Variants in NBPF11 observed in about 807,000 individuals in gnomAD.
NBPF11 encodes the protein NBPF member 11.
Under a neutral mutation model 93.9 loss-of-function variants are expected in NBPF11, and 72 were observed. The observed-to-expected ratio is 0.77, with a 90% confidence interval of 0.63 to 0.93. The LOEUF is 0.93. Among genes scored for constraint, NBPF11 ranks in the 40% least tolerant of loss-of-function variants. The pLI is 0.00. For missense variants in NBPF11, 705 were observed against 802.2 expected, an observed-to-expected ratio of 0.88 and a Z score of 1.46; for synonymous variants, 224 against 304.9, an observed-to-expected ratio of 0.73 and a Z score of 2.76.
At chr1:148,149,992 T>C (rs1647875221) in intron 1 of NBPF11, among the ~76,000 whole-genome samples, 1 of 151,728 alleles carries the variant, frequency 6.6e-6, no homozygotes, top group South Asian at 2.1e-4. Context: ...TGCTAACTGA[T>C]AAAACACTTT....
chr1:148,102,283 C>T lies in NBPF11; in HGVS notation c.*1613G>A, dbSNP rs1662518198. 1 of 151,776 alleles carries T rather than the reference C, an allele frequency of 6.6e-6. No individual in the cohort carries two copies. The highest frequency in any genetic ancestry group is 1.5e-5 in the Non-Finnish European group (1 of 68,012). 9.4% of individuals were successfully genotyped at this position (151,776 alleles called of 1,614,324 possible). A position where few individuals can be genotyped will look rare whatever the true frequency, so the allele number is the denominator to read the frequency against. On this transcript the variant is annotated 3_prime_UTR_variant, in exon 24 of 24. Coordinates refer to ENST00000682118, the MANE Select transcript of NBPF11 (RefSeq NM_001385469.3). ...AACAAAGGCACAGTAAAAATTGAGA[C>T]CCAAAATTTGCAGCGTAGAGATATG... is the stretch of plus-strand genomic sequence containing the variant.
intron 4 of NBPF11, among the ~76,000 whole-genome samples, chr1:148,130,200 T>C (rs1670093078): frequency 6.6e-6 from 1 of 151,938 alleles, no homozygotes; most frequent in African/African-American, 2.4e-5. Flanking sequence ...TTTGCTTTGA[T>C]ATATTTATGA....
rs1165720922 is a variant in NBPF11, at chr1:148,119,560, G to A, written c.989-838C>T. Among the ~76,000 whole-genome samples, 2 of 151,826 alleles carry A rather than the reference G, an allele frequency of 1.3e-5. 1 individual carries two copies. The highest frequency in any genetic ancestry group is 4.9e-5 in the African/African-American group (2 of 41,210). ...CTGCTACCTCCACACATTCTCGGGTGCGATCTTTCTTCCTCTTTAGGAACA... is the reference window on the plus strand; with the variant it reads ...CTGCTACCTCCACACATTCTCGGGTACGATCTTTCTTCCTCTTTAGGAACA... On this transcript the variant is annotated intron_variant, in intron 10 of 23. Coordinates refer to ENST00000682118, the MANE Select transcript of NBPF11 (RefSeq NM_001385469.3).
chr1:148,113,065 C>T (rs57197694), intron 15 of NBPF11, among the ~76,000 whole-genome samples: 13,079 of 151,964 alleles, frequency 0.086, 705 homozygotes, highest in Middle Eastern at 0.17. Flanking sequence ...CATCAACTAA[C>T]GGGTGAAATA....
At position 148,102,369 on chromosome 1, in the gene NBPF11, C is replaced by T. The variant is rs1662538414; in HGVS notation, c.*1527G>A. On this transcript the variant is annotated 3_prime_UTR_variant, in exon 24 of 24. Transcript: ENST00000682118. ...AATGATAAAATGTTTAGAGGATGAT[C>T]ATTAGAATACAGGATATTTATACTC... 1.3e-5 allele frequency: 2 copies of T among 151,900 alleles called. No homozygotes were observed. Among genetic ancestry groups the T allele is most frequent in the South Asian group, 4.2e-4 (2 of 4,814 alleles). 9.4% of individuals were successfully genotyped at this position (151,900 alleles called of 1,614,324 possible). A position where few individuals can be genotyped will look rare whatever the true frequency, so the allele number is the denominator to read the frequency against.
At chr1:148,149,421 G>C (rs1647684197) in intron 1 of NBPF11, 7 of 1,581,566 alleles carry the variant, frequency 4.4e-6, no homozygotes, top group African/African-American at 1.4e-5. Flanking sequence ...TTCTCGCACG[G>C]GCTGGCGCTC....
chr1:148,116,257 T>G (rs1459935780), intron 13 of NBPF11, among the ~76,000 whole-genome samples: 1 of 152,048 alleles, frequency 6.6e-6, no homozygotes, highest in Non-Finnish European at 1.5e-5. Context: ...GACTCAGCTA[T>G]CCCTGTACGG....
rs1184712000 is a variant in NBPF11, at chr1:148,106,870, C to G, written c.2251+72G>C. On this transcript the variant is annotated intron_variant, in intron 20 of 23. Coordinates refer to ENST00000682118, the MANE Select transcript of NBPF11 (RefSeq NM_001385469.3). ...AAGTCTCTCGGGTCAGTAAGGGCCA[C>G]TTGGAACAGGAATATCACCCCTATC... 1.1e-5 allele frequency: 9 copies of G among 795,020 alleles called. 1 individual carries two copies. In the East Asian group the frequency reaches 2.4e-4, roughly 21 times the overall value. 49.2% of individuals were successfully genotyped at this position (795,020 alleles called of 1,614,324 possible).
intron 2 of NBPF11, among the ~76,000 whole-genome samples, chr1:148,141,542 G>A (rs1672168632): frequency 1.3e-5 from 2 of 152,012 alleles, no homozygotes; most frequent in African/African-American, 4.8e-5. Context: ...TTATTGTTTG[G>A]TTAGTACTTG....
chr1:148,114,550 T>C, intron 14 of NBPF11, 62 bp from the exon 15 acceptor site: 1 of 561,950 alleles, frequency 1.8e-6, no homozygotes, highest in Non-Finnish European at 3.1e-6. Context: ...TATGAACAAA[T>C]CACTGTCCAG....
At chr1:148,130,564 ATCTC>A (rs1248971869) in intron 4 of NBPF11, among the ~76,000 whole-genome samples, 1 of 151,672 alleles carries the variant, frequency 6.6e-6, no homozygotes, top group Non-Finnish European at 1.5e-5. Context: ...CTGGCTATTA[ATCTC>A]TATTATGTTT....
chr1:148,146,293 C>T (rs1673041264), intron 1 of NBPF11: 11 of 1,343,162 alleles, frequency 8.2e-6, no homozygotes, highest in Non-Finnish European at 1.0e-5. Context: ...GCTCTCCCCC[C>T]TGCCCGCGAC....
rs1235794790 is a variant in NBPF11, at chr1:148,122,123, T to A, written c.710A>T (p.Asn237Ile). 3 of 1,613,248 alleles carry A rather than the reference T, an allele frequency of 1.9e-6. 1 individual carries two copies. The African/African-American group carries it at 4.0e-5, about 22-fold the overall frequency. The change falls in exon 9 of 24, where the codon AAC (asparagine) becomes ATC (isoleucine). Residue 237 changes from asparagine to isoleucine, a missense_variant. By Grantham distance (149) the Asn-to-Ile change is moderately radical. Transcript: ENST00000682118. The part of the protein sequence containing the change: ...IKITFEEDKV[N>I]SSLVVDRESS... The stretch of plus-strand genomic sequence containing the variant: ...TTCTCTGTCTACAACCAGAGATGAG[T>A]TGACTTTGTCTTCCTCAAATGTGAT...
intron 1 of NBPF11, among the ~76,000 whole-genome samples, chr1:148,144,451 C>G (rs1449851860): frequency 4.6e-5 from 7 of 151,580 alleles, no homozygotes; most frequent in African/African-American, 1.7e-4. Flanking sequence ...TTCATTCATT[C>G]ATTTAACAAA....
intron 15 of NBPF11, among the ~76,000 whole-genome samples, chr1:148,111,367 C>G (rs1359127310): frequency 6.6e-6 from 1 of 151,980 alleles, no homozygotes; most frequent in African/African-American, 2.4e-5. Flanking sequence ...CGCAGCTCCT[C>G]GCCAGCAATG....
At chr1:148,128,842 T>G (rs1317029439) in intron 4 of NBPF11, among the ~76,000 whole-genome samples, 1 of 150,484 alleles carries the variant, frequency 6.6e-6, no homozygotes, top group Non-Finnish European at 1.5e-5. Flanking sequence ...ATCGTTTTAC[T>G]TAAAAGTCTT....
At chr1:148,104,442 T>C (rs1250960952) in intron 23 of NBPF11, 95 bp downstream of exon 23, 67 of 613,424 alleles carry the variant, frequency 1.1e-4, no homozygotes, top group Non-Finnish European at 1.6e-4. Flanking sequence ...TCAGCCTTCG[T>C]TGAAAACATG....
At chr1:148,112,020 C>T (rs1424402032) in intron 15 of NBPF11, among the ~76,000 whole-genome samples, 4 of 148,002 alleles carry the variant, frequency 2.7e-5, no homozygotes, top group African/African-American at 7.7e-5. Flanking sequence ...GGATTACCCA[C>T]AAAGGGAAGC....
chr1:148,149,133 G>C (rs1388885393), intron 1 of NBPF11: 1 of 1,579,678 alleles, frequency 6.3e-7, no homozygotes, highest in African/African-American at 1.4e-5. Context: ...GTTGGAGGCC[G>C]CGGCTGACCC....
Sources: allele counts gnomAD v4.1 joint callset (sites outside exome capture counted in the v4.1 genomes callset), GRCh38; gene constraint gnomAD v4.1.1; transcripts MANE v1.5; gene names NCBI Gene and HGNC (gene_info 2026-07-23, HGNC 2026-07-21).